The following SCN7A variants were observed in gnomAD, a reference collection of about 807,000 sequenced individuals.
The protein encoded by SCN7A is sodium voltage-gated channel alpha subunit 7, also known as sodium channel protein type 7 subunit alpha.
SCN7A carries 138 observed loss-of-function variants against 155.2 expected under a neutral mutation model. That is an observed-to-expected ratio of 0.89 (90% confidence interval 0.77 to 1.02). SCN7A has a LOEUF of 1.02. Among genes scored for constraint, SCN7A ranks in the 50% least tolerant of loss-of-function variants. The probability of loss-of-function intolerance (pLI) is 0.00; values close to 1 mark genes in which losing one functional copy is unlikely to be tolerated. For missense variants in SCN7A, 2,058 were observed against 1,986.6 expected (o/e 1.04, Z -0.68); for synonymous variants, 693 against 649.0 (o/e 1.07, Z -1.03).
At chr2:166,447,366 T>G (rs1364063121) in intron 12 of SCN7A, among the ~76,000 whole-genome samples, 4 of 152,190 alleles carry the variant, frequency 2.6e-5, no homozygotes, top group African/African-American at 4.8e-5. Context: ...AGTCACAAGT[T>G]AATATGTCAA....
chr2:166,414,489 C>T (rs1447433702), intron 21 of SCN7A: 1 of 133,750 alleles, frequency 7.5e-6, no homozygotes, highest in Non-Finnish European at 1.5e-5. Flanking sequence ...ATATATATCT[C>T]CTATCCTATA....
At position 166,406,684 on chromosome 2, in the gene SCN7A, C is replaced by A. The variant is rs748431696; in HGVS notation, c.3983-38G>T. 2.3e-6 allele frequency: 3 copies of A among 1,325,096 alleles called. No homozygotes were observed. In the South Asian group the frequency reaches 4.1e-5, roughly 18 times the overall value. The allele number at this position is 1,325,096 out of a possible 1,614,324, so 82.1% of individuals were successfully genotyped here. The stretch of plus-strand genomic sequence containing the variant: ...AAGATAAAGCAGGCTATACATTATT[C>A]AAACACAATAGTATTTTGAGGACTA... On this transcript the variant is annotated intron_variant, in intron 25 of 25. Coordinates refer to ENST00000643258, the MANE Select transcript of SCN7A (RefSeq NM_002976.4).
In SCN7A at chr2:166,443,507, C is replaced by CTGAATAATCGA; in HGVS notation, c.1785_1795dup (p.Arg599IlefsTer7). The CTGAATAATCGA allele has an allele frequency of 6.3e-7, 1 of 1,591,044 alleles. No homozygotes were observed. Among genetic ancestry groups the CTGAATAATCGA allele is most frequent in the Non-Finnish European group, 8.6e-7 (1 of 1,168,984 alleles). ...TAGGTATTGGATTCTACTTACCATC[C>CTGAATAATCGA]TGAATAATCGAAGAAGAGCCATTCC... On this transcript the variant is annotated frameshift_variant, in exon 14 of 26. Transcript: ENST00000643258. LOFTEE classifies it high-confidence loss of function.
At chr2:166,451,705 A>G (rs537847612) in intron 11 of SCN7A, among the ~76,000 whole-genome samples, 16 of 152,080 alleles carry the variant, frequency 1.1e-4, no homozygotes, top group Admixed American at 8.5e-4. Context: ...ATCTCAACTG[A>G]AGTGTCAGTT....
chr2:166,465,516 TAA>T lies in SCN7A; in HGVS notation c.885_886del (p.Phe295LeufsTer23). 6.2e-7 allele frequency: 1 copy of T among 1,603,196 alleles called. No individual in the cohort carries two copies. Among genetic ancestry groups the T allele is most frequent in the Non-Finnish European group, 8.5e-7 (1 of 1,174,052 alleles). On this transcript the variant is annotated frameshift_variant, in exon 9 of 26. Transcript: ENST00000643258. LOFTEE classifies it high-confidence loss of function. ...AGCATATCTTTCTCCTTCCAAATAA[TAA>T]AAGTTTTCTGTTTCTGAAAAACAGG... is the stretch of plus-strand genomic sequence containing the variant.
intron 10 of SCN7A, among the ~76,000 whole-genome samples, chr2:166,459,476 A>G (rs1478223584): frequency 6.6e-6 from 1 of 152,130 alleles, no homozygotes; most frequent in Non-Finnish European, 1.5e-5. Flanking sequence ...TGTTTTGTTC[A>G]TTTCTGTACC....
At chr2:166,412,453 G>A in intron 23 of SCN7A, 77 bp downstream of exon 23, 2 of 1,268,748 alleles carry the variant, frequency 1.6e-6, no homozygotes, top group African/African-American at 1.6e-5. Flanking sequence ...CCAATTATTT[G>A]AAGCAGGGCA....
At chr2:166,450,625 C>T (rs1702157893) in intron 11 of SCN7A, among the ~76,000 whole-genome samples, 1 of 152,074 alleles carries the variant, frequency 6.6e-6, no homozygotes, top group African/African-American at 2.4e-5. Context: ...GAAACCCCGT[C>T]TCTACTAAAA....
chr2:166,432,084 C>T (rs931889298), intron 16 of SCN7A, among the ~76,000 whole-genome samples: 2 of 152,018 alleles, frequency 1.3e-5, no homozygotes, highest in Non-Finnish European at 2.9e-5. Context: ...TACCTCCCCC[C>T]CTCCATGGAC....
In SCN7A at chr2:166,434,846, T is replaced by C. The variant is rs541197513; in HGVS notation, c.2158-2094A>G. 2.1e-4 allele frequency among the ~76,000 whole-genome samples: 32 copies of C among 152,270 alleles called. No individual in the cohort carries two copies. In the South Asian group the frequency reaches 3.5e-3, roughly 17 times the overall value. ...ATATGAACAAAAACCATGTTTTCTC[T>C]TAATTAGACAACCAGCACACTGCTA... is the stretch of plus-strand genomic sequence containing the variant. On this transcript the variant is annotated intron_variant, in intron 15 of 25. Coordinates refer to ENST00000643258, the MANE Select transcript of SCN7A (RefSeq NM_002976.4).
chr2:166,442,720 T>C (rs1008587992), intron 14 of SCN7A, among the ~76,000 whole-genome samples: 1 of 152,178 alleles, frequency 6.6e-6, no homozygotes, highest in African/African-American at 2.4e-5. Flanking sequence ...ATTCAGTCTA[T>C]TACTAGCCTT....
In SCN7A at chr2:166,427,853, T is replaced by C. The variant is rs1290356466; in HGVS notation, c.2788A>G (p.Ile930Val). Residue 930 changes from isoleucine to valine, a missense_variant, in exon 18 of 26, where the codon ATT becomes GTT. Coordinates refer to ENST00000643258, the MANE Select transcript of SCN7A (RefSeq NM_002976.4). ...CACTTAAACCAATTGTTCTCTACAATCTTGCAGCAGGTTTTCCTGATGTTC... is the reference window on the plus strand; with the variant it reads ...CACTTAAACCAATTGTTCTCTACAACCTTGCAGCAGGTTTTCCTGATGTTC... ...WQNIRKTCCK[I>V]VENNWFKCFI... 6.2e-7 allele frequency: 1 copy of C among 1,612,602 alleles called. No homozygotes were observed. Among genetic ancestry groups the C allele is most frequent in the African/African-American group, 1.3e-5 (1 of 74,980 alleles).
At chr2:166,425,324 A>T (rs1165053027) in intron 18 of SCN7A, among the ~76,000 whole-genome samples, 1 of 152,142 alleles carries the variant, frequency 6.6e-6, no homozygotes, top group Admixed American at 6.6e-5. Context: ...AAGGAGAAGG[A>T]TTGTATACCA....
chr2:166,463,626 C>T (rs571912719), intron 9 of SCN7A, among the ~76,000 whole-genome samples: 2 of 152,136 alleles, frequency 1.3e-5, no homozygotes, highest in South Asian at 4.1e-4. Context: ...AAATGTATTT[C>T]GGGTCATATT....
chr2:166,424,707 G>A (rs1701585793), intron 18 of SCN7A, among the ~76,000 whole-genome samples: 1 of 151,956 alleles, frequency 6.6e-6, no homozygotes, highest in Admixed American at 6.6e-5. Context: ...ATCATAGTGG[G>A]ATGATTTAAC....
chr2:166,470,220 T>C (rs1299045753), intron 7 of SCN7A, among the ~76,000 whole-genome samples: 1 of 151,800 alleles, frequency 6.6e-6, no homozygotes, highest in Non-Finnish European at 1.5e-5. Flanking sequence ...CATCTTATTT[T>C]ATATTACTTT....
At chr2:166,435,111 G>A (rs915345347) in intron 15 of SCN7A, among the ~76,000 whole-genome samples, 2 of 151,782 alleles carry the variant, frequency 1.3e-5, no homozygotes, top group Non-Finnish European at 2.9e-5. Flanking sequence ...AAAAATGAAC[G>A]TAATCTTAAA....
rs201282077 is a variant in SCN7A, at chr2:166,439,041, ATG to A, written c.2157+2353_2157+2354del. ...TATATACATACACACACATACATAT[ATG>A]TGTGTGTGTGTGTATATATATATAT... On this transcript the variant is annotated intron_variant, in intron 15 of 25. Coordinates refer to ENST00000643258, the MANE Select transcript of SCN7A (RefSeq NM_002976.4). Among the ~76,000 whole-genome samples, 356 of 122,800 alleles carry A rather than the reference ATG, an allele frequency of 2.9e-3. No individual in the cohort carries two copies. The East Asian group carries it at 0.031, about 11-fold the overall frequency. 80.6% of individuals were successfully genotyped at this position (122,800 alleles called of 152,430 possible).
At chr2:166,439,991 G>A (rs1376632413) in intron 15 of SCN7A, among the ~76,000 whole-genome samples, 1 of 152,066 alleles carries the variant, frequency 6.6e-6, no homozygotes, top group Non-Finnish European at 1.5e-5. Flanking sequence ...AAAATACCAA[G>A]TCTTGTATTC....
Sources: allele counts gnomAD v4.1 joint callset (sites outside exome capture counted in the v4.1 genomes callset), GRCh38; gene constraint gnomAD v4.1.1; transcripts MANE v1.5; gene names NCBI Gene and HGNC (gene_info 2026-07-23, HGNC 2026-07-21).